Variants in PALLD observed in about 807,000 individuals in gnomAD.
PALLD encodes the protein palladin, cytoskeletal associated protein.
PALLD carries 61 observed loss-of-function variants against 123.5 expected under a neutral mutation model. The ratio of observed to expected loss-of-function variants is 0.49; its 90% CI spans 0.40 to 0.61. The LOEUF (loss-of-function observed/expected upper bound fraction) is 0.61. Among genes scored for constraint, PALLD ranks in the 20% least tolerant of loss-of-function variants. PALLD has a pLI of 0.00. For missense variants in PALLD, 1,273 were observed against 1,377.0 expected, an observed-to-expected ratio of 0.92 and a Z score of 1.20; for synonymous variants, 465 against 496.4, an observed-to-expected ratio of 0.94 and a Z score of 0.84.
chr4:168,814,590 G>A (rs1315844643), intron 10 of PALLD, among the ~76,000 whole-genome samples: 4 of 152,160 alleles, frequency 2.6e-5, no homozygotes, highest in Non-Finnish European at 4.4e-5. Flanking sequence ...CAGCAAAAAC[G>A]GCAGGAGAGT....
chr4:168,824,596 A>G (rs1581652376), intron 10 of PALLD, among the ~76,000 whole-genome samples: 1 of 152,202 alleles, frequency 6.6e-6, no homozygotes, highest in East Asian at 1.9e-4. Flanking sequence ...TACAAGAATA[A>G]TGATCTTACT....
chr4:168,709,539 GAA>G (rs1220916368), intron 9 of PALLD, among the ~76,000 whole-genome samples: 409 of 890 alleles, frequency 0.46, 42 homozygotes, highest in Admixed American at 0.55. Context: ...AGGAAGGAAG[GAA>G]GGAAGGAAGG....
At chr4:168,916,495 C>CTAATCT (rs1760130759) in intron 17 of PALLD, among the ~76,000 whole-genome samples, 2 of 87,530 alleles carry the variant, frequency 2.3e-5, no homozygotes, top group Admixed American at 1.3e-4. Context: ...TTCTTTAAAT[C>CTAATCT]TAAATTAAAT....
At chr4:168,677,861 C>T (rs555311754) in intron 3 of PALLD, 48 of 152,538 alleles carry the variant, frequency 3.1e-4, no homozygotes, top group Non-Finnish European at 4.4e-5. Context: ...CCCCCACTCT[C>T]GGTGCCTACA....
At chr4:168,859,429 C>T (rs897388285) in intron 10 of PALLD, among the ~76,000 whole-genome samples, 1 of 152,176 alleles carries the variant, frequency 6.6e-6, no homozygotes, top group East Asian at 1.9e-4. Flanking sequence ...GTAGCACCGA[C>T]GGTGCCCCAG....
At chr4:168,652,635 G>A (rs12503282) in intron 2 of PALLD, among the ~76,000 whole-genome samples, 3 of 152,326 alleles carry the variant, frequency 2.0e-5, no homozygotes, top group Admixed American at 2.0e-4. Flanking sequence ...AGGAAGTTAC[G>A]AATGAATATG....
At chr4:168,596,721 T>TAAA (rs56390001) in intron 2 of PALLD, among the ~76,000 whole-genome samples, 61 of 132,864 alleles carry the variant, frequency 4.6e-4, no homozygotes, top group African/African-American at 1.5e-3. Flanking sequence ...TTGGCCTTGT[T>TAAA]AAAAAAAAAA....
intron 10 of PALLD, among the ~76,000 whole-genome samples, chr4:168,875,731 G>A (rs1323659401): frequency 6.6e-6 from 1 of 152,206 alleles, no homozygotes; most frequent in Non-Finnish European, 1.5e-5. Context: ...GCCCACTTGG[G>A]TTAGCAAACA....
chr4:168,579,628 G>T (rs761970811), intron 2 of PALLD, among the ~76,000 whole-genome samples: 3 of 152,036 alleles, frequency 2.0e-5, no homozygotes, highest in Non-Finnish European at 4.4e-5. Context: ...TGAGAATCAT[G>T]TTTATGCCCC....
chr4:168,708,786 A>T (rs980145280), intron 8 of PALLD, among the ~76,000 whole-genome samples: 3 of 151,968 alleles, frequency 2.0e-5, no homozygotes, highest in South Asian at 2.1e-4. Flanking sequence ...CATTTTATAG[A>T]TGAGGACACC....
chr4:168,514,948 A>G (rs2149436957), intron 2 of PALLD, among the ~76,000 whole-genome samples: 1 of 152,376 alleles, frequency 6.6e-6, no homozygotes, highest in South Asian at 2.1e-4. Context: ...TAATTTAGTT[A>G]GTATCTGCAG....
At position 168,894,623 on chromosome 4, in the gene PALLD, T is replaced by A. The variant is rs1163086261; in HGVS notation, c.2145T>A (p.Ala715=). The change falls in exon 12 of 22, where the codon GCT becomes GCA. Residue 715 remains alanine, a synonymous_variant. Transcript: ENST00000505667. ...GAATGGCTCGTCGACTGCTAGGTGCTGACAGTGCAACTGTCTTTAATATTC... is the reference window on the plus strand; with the variant it reads ...GAATGGCTCGTCGACTGCTAGGTGCAGACAGTGCAACTGTCTTTAATATTC... ...EERMARRLLG[A]DSATVFNIQE... is the part of the protein sequence containing the mutation. 6.2e-7 allele frequency: 1 copy of A among 1,613,660 alleles called. No homozygotes were observed. Among genetic ancestry groups the A allele is most frequent in the Non-Finnish European group, 8.5e-7 (1 of 1,179,652 alleles).
At chr4:168,574,263 A>G (rs1472294327) in intron 2 of PALLD, among the ~76,000 whole-genome samples, 1 of 152,074 alleles carries the variant, frequency 6.6e-6, no homozygotes, top group Non-Finnish European at 1.5e-5. Context: ...ATTATAAATT[A>G]TTGTGCTTTA....
intron 2 of PALLD, among the ~76,000 whole-genome samples, chr4:168,579,913 C>T (rs1327682265): frequency 1.3e-5 from 2 of 151,984 alleles, no homozygotes; most frequent in African/African-American, 4.8e-5. Flanking sequence ...CAGGTCTACT[C>T]TCAGTAAACT....
chr4:168,926,393 T>G lies in PALLD; in HGVS notation c.*213T>G, dbSNP rs749096981. ...GAAAGTGAGGACCTGTAATCCAGCA[T>G]TCTTGTTAAAGCTGAAACACTGAAA... On this transcript the variant is annotated 3_prime_UTR_variant, in exon 22 of 22. Coordinates refer to ENST00000505667, the MANE Select transcript of PALLD (RefSeq NM_001166108.2). The G allele has an allele frequency of 9.3e-5, 142 of 1,535,084 alleles. No homozygotes were observed. Among genetic ancestry groups the G allele is most frequent in the South Asian group, 7.0e-4 (59 of 83,960 alleles).
chr4:168,570,710 A>G (rs1260425357), intron 2 of PALLD, among the ~76,000 whole-genome samples: 1 of 152,192 alleles, frequency 6.6e-6, no homozygotes, highest in East Asian at 1.9e-4. Flanking sequence ...GGAAAGCAAT[A>G]AGGCTAGAGG....
chr4:168,906,972 G>A (rs989543603), intron 15 of PALLD, among the ~76,000 whole-genome samples: 17 of 152,152 alleles, frequency 1.1e-4, no homozygotes, highest in Admixed American at 3.3e-4. Context: ...GGATGAGGCC[G>A]GCAGGCCATG....
At chr4:168,822,169 G>T (rs1337833382) in intron 10 of PALLD, among the ~76,000 whole-genome samples, 1 of 152,024 alleles carries the variant, frequency 6.6e-6, no homozygotes, top group Non-Finnish European at 1.5e-5. Flanking sequence ...GACCTGATGA[G>T]GTCTTTGTTA....
intron 3 of PALLD, among the ~76,000 whole-genome samples, chr4:168,671,454 C>T (rs763127513): frequency 3.3e-5 from 5 of 152,126 alleles, no homozygotes; most frequent in East Asian, 3.9e-4. Context: ...CTGAGACATC[C>T]GACACCTTTG....
Sources: allele counts gnomAD v4.1 joint callset (sites outside exome capture counted in the v4.1 genomes callset), GRCh38; gene constraint gnomAD v4.1.1; transcripts MANE v1.5; gene names NCBI Gene and HGNC (gene_info 2026-07-23, HGNC 2026-07-21).